Variants in WIPI1 observed in about 807,000 individuals in gnomAD.
WIPI1 encodes the protein WD repeat domain phosphoinositide-interacting protein 1.
A neutral mutation model predicts 55.3 loss-of-function variants in WIPI1; 45 were observed. The observed-to-expected ratio is 0.81, with a 90% CI of 0.64 to 1.04. The LOEUF is 1.04. Ranked by LOEUF, WIPI1 falls within the 50% of genes least tolerant of loss-of-function variation. WIPI1 has a pLI of 0.00. For missense variants in WIPI1, 445 were observed against 559.0 expected (o/e 0.80, Z 2.06); for synonymous variants, 195 against 217.6 (o/e 0.90, Z 0.92).
intron 5 of WIPI1, among the ~76,000 whole-genome samples, chr17:68,436,143 T>C (rs1028185485): frequency 1.3e-5 from 2 of 152,244 alleles, no homozygotes; most frequent in Non-Finnish European, 2.9e-5. Context: ...GGCCCCCTGC[T>C]GGCAAGTGGT....
intron 8 of WIPI1, among the ~76,000 whole-genome samples, chr17:68,432,977 A>G (rs1476651461): frequency 6.6e-6 from 1 of 152,026 alleles, no homozygotes; most frequent in Non-Finnish European, 1.5e-5. Context: ...CTTTTCTTTC[A>G]CTTTTCAGAC....
rs2084468100 is a variant in WIPI1 at position 68,450,730 on chromosome 17, G to A, written c.331C>T (p.Gln111Ter). The change falls in exon 3 of 13, where the codon CAA (glutamine) becomes TAA (stop). Residue 111 changes from glutamine (Q) to a stop codon, truncating the protein, a stop_gained and splice_region_variant. Coordinates refer to ENST00000262139, the MANE Select transcript of WIPI1 (RefSeq NM_017983.7). LOFTEE classifies it high-confidence loss of function. ...CCCTGAGGGATTTCCCCACTTACTT[G>A]CCGGTTCAGCCTTATGGACAAGATG... ...SNILSIRLNR[Q>*]RLLVCLEESI... 3 of 1,605,278 alleles carry A rather than the reference G, an allele frequency of 1.9e-6. No individual in the cohort carries two copies. Among genetic ancestry groups the A allele is most frequent in the Admixed American group, 1.7e-5 (1 of 58,140 alleles).
rs868070556 is a variant in WIPI1 at position 68,434,611 on chromosome 17, C to A, written c.637G>T (p.Val213Leu). 1.4e-5 allele frequency: 22 copies of A among 1,614,036 alleles called. No homozygotes were observed. Among genetic ancestry groups the A allele is most frequent in the Non-Finnish European group, 1.8e-5 (21 of 1,179,908 alleles). ...TTTTGCCCATCAGGGACAGAGAACA[C>A]CCGGATGACTGTGCCCTGGAAAAGA... ...SASEKGTVIRVFSVPDGQKLY... is the reference protein window; with the variant it reads ...SASEKGTVIRLFSVPDGQKLY... The change falls in exon 7 of 13, where the codon GTG becomes TTG. Residue 213 changes from valine (V) to leucine (L), a missense_variant. Val to Leu is a conservative substitution (Grantham distance 32, BLOSUM62 1). Transcript: ENST00000262139.
At chr17:68,449,924 T>G (rs1244272453) in intron 3 of WIPI1, among the ~76,000 whole-genome samples, 1 of 152,074 alleles carries the variant, frequency 6.6e-6, no homozygotes, top group East Asian at 1.9e-4. Flanking sequence ...GGTGGGAGGA[T>G]TGTTTGAGCC....
intron 1 of WIPI1, 58 bp from the exon 2 acceptor site, chr17:68,453,050 C>T: frequency 6.9e-7 from 1 of 1,450,788 alleles, no homozygotes; most frequent in Admixed American, 1.7e-5. Context: ...ACAGATCTGT[C>T]TGCAAATAGA....
Position 68,450,893 on chromosome 17 carries a change from T to A in WIPI1, c.168A>T (p.Glu56Asp). The stretch of plus-strand genomic sequence containing the variant: ...GCTCCACGATGTAGACGTCCGGGAT[T>A]TCATCTGGGAGGAAAAGCAGCCGGG... ...EQLDQVHGSNEIPDVYIVERL... is the reference protein window; with the variant it reads ...EQLDQVHGSNDIPDVYIVERL... The change falls in exon 3 of 13, where the codon GAA becomes GAT. Residue 56 changes from glutamate to aspartate, a missense_variant. Glu to Asp is a conservative substitution (Grantham distance 45, BLOSUM62 2). Coordinates refer to ENST00000262139, the MANE Select transcript of WIPI1 (RefSeq NM_017983.7). 3.7e-6 allele frequency: 6 copies of A among 1,611,542 alleles called. No homozygotes were observed. Among genetic ancestry groups the A allele is most frequent in the Non-Finnish European group, 5.1e-6 (6 of 1,178,946 alleles).
At chr17:68,426,238 C>CGTGGGG in intron 11 of WIPI1, 63 bp from the exon 12 acceptor site, 1 of 615,202 alleles carries the variant, frequency 1.6e-6, no homozygotes, top group South Asian at 1.9e-5. Context: ...CATGACCTGG[C>CGTGGGG]GGGTGGGGAG....
At chr17:68,426,298 C>T in intron 11 of WIPI1, 123 bp from the exon 12 acceptor site, 1 of 760,218 alleles carries the variant, frequency 1.3e-6, no homozygotes. Context: ...TCTGTCTTCC[C>T]CCTGGAGGTA....
chr17:68,444,553 G>T lies in WIPI1; in HGVS notation c.370C>A (p.His124Asn). ...LVCLEESIYIHNIKDMKLLKT... is the reference protein window; with the variant it reads ...LVCLEESIYINNIKDMKLLKT... ...AACAGCTTCATGTCTTTAATGTTGT[G>T]AATATAAATGGACTCTTCTAGGCAA... The change falls in exon 4 of 13, where the codon CAC becomes AAC. Residue 124 changes from histidine to asparagine, a missense_variant. His to Asn is a moderately conservative substitution (Grantham distance 68, BLOSUM62 1). Transcript: ENST00000262139. 1 of 1,614,014 alleles carries T rather than the reference G, an allele frequency of 6.2e-7. No homozygotes were observed. Among genetic ancestry groups the T allele is most frequent in the Non-Finnish European group, 8.5e-7 (1 of 1,179,976 alleles).
chr17:68,437,220 C>G (rs2083853518), intron 4 of WIPI1, among the ~76,000 whole-genome samples: 2 of 152,002 alleles, frequency 1.3e-5, no homozygotes, highest in Admixed American at 1.3e-4. Context: ...CCAGTAACTT[C>G]AAGTTGGAGA....
intron 3 of WIPI1, among the ~76,000 whole-genome samples, chr17:68,449,167 G>A (rs1239705369): frequency 6.6e-6 from 1 of 152,194 alleles, no homozygotes; most frequent in African/African-American, 2.4e-5. Flanking sequence ...ACCGCTCTGG[G>A]AATACTTAAT....
chr17:68,438,706 T>C (rs2083940072), intron 4 of WIPI1, among the ~76,000 whole-genome samples: 2 of 152,240 alleles, frequency 1.3e-5, no homozygotes, highest in South Asian at 4.1e-4. Context: ...GTTCAAGCGA[T>C]TCTCCTGTCT....
chr17:68,427,095 C>G, intron 11 of WIPI1, 40 bp downstream of exon 11: 1 of 1,533,962 alleles, frequency 6.5e-7, no homozygotes. Flanking sequence ...AGGGAGGTCA[C>G]TGTTGGAGAT....
chr17:68,445,101 G>A (rs1175027888), intron 3 of WIPI1, among the ~76,000 whole-genome samples: 7 of 151,930 alleles, frequency 4.6e-5, no homozygotes, highest in Non-Finnish European at 7.4e-5. Flanking sequence ...TGTATTTTTA[G>A]TAGAGACGGG....
chr17:68,447,863 GGTGCTTGTA>G (rs2084343821), intron 3 of WIPI1, among the ~76,000 whole-genome samples: 1 of 151,630 alleles, frequency 6.6e-6, no homozygotes, highest in Non-Finnish European at 1.5e-5. Context: ...CGTGGTGGCA[GGTGCTTGTA>G]GTCCCAGCTA....
intron 10 of WIPI1, 67 bp downstream of exon 10, chr17:68,428,762 T>C: frequency 7.9e-7 from 1 of 1,273,650 alleles, no homozygotes; most frequent in Non-Finnish European, 1.1e-6. Flanking sequence ...CTTGTCGTTC[T>C]TGGCGAAGGG....
At chr17:68,456,227 T>G (rs1397901943) in intron 1 of WIPI1, among the ~76,000 whole-genome samples, 1 of 152,130 alleles carries the variant, frequency 6.6e-6, no homozygotes, top group African/African-American at 2.4e-5. Flanking sequence ...ACATATGGGT[T>G]TTTCAAACAA....
intron 6 of WIPI1, among the ~76,000 whole-genome samples, chr17:68,435,396 G>C (rs1450450671): frequency 6.6e-6 from 1 of 152,228 alleles, no homozygotes; most frequent in Admixed American, 6.5e-5. Context: ...TTCATGCAAA[G>C]TGTCTTGTAT....
intron 12 of WIPI1, chr17:68,422,650 A>G (rs1004548715): frequency 6.8e-6 from 1 of 146,426 alleles, no homozygotes; most frequent in African/African-American, 2.5e-5. Context: ...AATCACTTGA[A>G]CCTAGGAGGT....
Sources: allele counts gnomAD v4.1 joint callset (sites outside exome capture counted in the v4.1 genomes callset), GRCh38; gene constraint gnomAD v4.1.1; transcripts MANE v1.5; gene names NCBI Gene and HGNC (gene_info 2026-07-23, HGNC 2026-07-21).